The following FAM135B variants were observed in gnomAD, a reference collection of about 807,000 sequenced individuals.
FAM135B encodes protein FAM135B.
Under a neutral mutation model 127.7 loss-of-function variants are expected in FAM135B, and 43 were observed. The observed-to-expected ratio is 0.34, with a 90% CI of 0.26 to 0.43. FAM135B has a LOEUF of 0.43. FAM135B is among the 20% of genes least tolerant of loss of function. The pLI, the probability that FAM135B is intolerant of heterozygous loss-of-function variation, is 1.00. For missense variants in FAM135B, 1,558 were observed against 1,725.6 expected (o/e 0.90, Z 1.72); for synonymous variants, 670 against 665.1 (o/e 1.01, Z -0.11).
chr8:138,167,503 C>A (rs1264660895), intron 12 of FAM135B, among the ~76,000 whole-genome samples: 2 of 152,128 alleles, frequency 1.3e-5, no homozygotes, highest in Non-Finnish European at 2.9e-5. Flanking sequence ...GCCTTTGGCC[C>A]AATGCCTTTA....
chr8:138,244,163 T>C (rs1000744420), intron 6 of FAM135B, among the ~76,000 whole-genome samples: 2 of 152,168 alleles, frequency 1.3e-5, no homozygotes, highest in Non-Finnish European at 2.9e-5. Flanking sequence ...GGTTAGGTGC[T>C]ACGATGATAA....
At chr8:138,426,014 C>T (rs7832930) in intron 1 of FAM135B, among the ~76,000 whole-genome samples, 688 of 54,638 alleles carry the variant, frequency 0.013, 21 homozygotes, top group East Asian at 0.024. Flanking sequence ...TATATATATA[C>T]ACACACATAC....
chr8:138,206,993 C>T (rs1176856916), intron 7 of FAM135B, among the ~76,000 whole-genome samples: 2 of 152,174 alleles, frequency 1.3e-5, no homozygotes, highest in Non-Finnish European at 2.9e-5. Context: ...ATGCATGGCT[C>T]CAGCATCAAA....
At chr8:138,178,817 AGT>A in intron 9 of FAM135B, 127 bp from the exon 10 acceptor site, 1 of 708,938 alleles carries the variant, frequency 1.4e-6, no homozygotes. Context: ...GTACATCTGT[AGT>A]ATTATATATT....
chr8:138,348,861 G>T (rs918941926), intron 2 of FAM135B, among the ~76,000 whole-genome samples: 2 of 152,180 alleles, frequency 1.3e-5, no homozygotes. Context: ...GGCATAATTG[G>T]CCAGGCTTAG....
At chr8:138,166,314 G>C (rs1332542467) in intron 12 of FAM135B, among the ~76,000 whole-genome samples, 1 of 152,166 alleles carries the variant, frequency 6.6e-6, no homozygotes, top group Non-Finnish European at 1.5e-5. Context: ...GACAAGAAAC[G>C]AGCCTTGACC....
At position 138,135,590 on chromosome 8, in the gene FAM135B, G is replaced by T. The variant is rs181663164; in HGVS notation, c.4015+1557C>A. 1.3e-3 allele frequency among the ~76,000 whole-genome samples: 192 copies of T among 152,246 alleles called. 1 individual carries two copies. The highest frequency in any genetic ancestry group is 4.4e-3 in the African/African-American group (182 of 41,556). On this transcript the variant is annotated intron_variant, in intron 19 of 19. Transcript: ENST00000395297. Reference sequence around the variant, plus strand: ...TACTCTAACAGTACACGTGTTGCTGGTATCAATATTTTAGAAGGGAATTTG... The same window carrying T: ...TACTCTAACAGTACACGTGTTGCTGTTATCAATATTTTAGAAGGGAATTTG...
In FAM135B at chr8:138,250,808, C is replaced by G. The variant is rs766633724; in HGVS notation, c.542+33G>C. 5 of 1,608,698 alleles carry G rather than the reference C, an allele frequency of 3.1e-6. No homozygotes were observed. In the South Asian group the frequency reaches 5.5e-5, roughly 18 times the overall value. ...ACCACACCTGCAATGGAAGGTGGCT[C>G]CCACATATCAGGGCTGCCTCTGAAC... On this transcript the variant is annotated intron_variant, in intron 6 of 19. Transcript: ENST00000395297.
intron 12 of FAM135B, among the ~76,000 whole-genome samples, chr8:138,158,565 A>T (rs1344614556): frequency 6.6e-6 from 1 of 152,244 alleles, no homozygotes; most frequent in African/African-American, 2.4e-5. Context: ...TAAGATCAAG[A>T]ATCTACAAAG....
intron 1 of FAM135B, among the ~76,000 whole-genome samples, chr8:138,487,695 G>A (rs984170311): frequency 4.6e-5 from 7 of 152,146 alleles, no homozygotes; most frequent in Non-Finnish European, 1.0e-4. Context: ...TTCAACTGAA[G>A]TTTAAAACAC....
chr8:138,162,285 G>A (rs55661960), intron 12 of FAM135B, among the ~76,000 whole-genome samples: 20,693 of 152,182 alleles, frequency 0.14, 1,586 homozygotes, highest in Middle Eastern at 0.22. Flanking sequence ...TGCCAGGCAC[G>A]GGGGAGAAGG....
intron 1 of FAM135B, among the ~76,000 whole-genome samples, chr8:138,371,756 G>A (rs745956979): frequency 4.6e-5 from 7 of 152,002 alleles, no homozygotes; most frequent in South Asian, 2.1e-4. Context: ...GAAATACACC[G>A]GCACCATGTG....
At chr8:138,369,517 A>C (rs1830981826) in intron 1 of FAM135B, among the ~76,000 whole-genome samples, 1 of 152,198 alleles carries the variant, frequency 6.6e-6, no homozygotes, top group African/African-American at 2.4e-5. Flanking sequence ...GCTGCATACC[A>C]AATTAAAATC....
In FAM135B at chr8:138,266,580, T is replaced by C. The variant is rs73716702; in HGVS notation, c.158-738A>G. 7.3e-3 allele frequency among the ~76,000 whole-genome samples: 1,076 copies of C among 147,998 alleles called. 24 individuals carry two copies. The highest frequency in any genetic ancestry group is 0.025 in the African/African-American group (1,020 of 40,660). ...TACAGTTGGAGATACGTGTAAAAAA[T>C]ATATGTGTGTGTATATATATGTATA... On this transcript the variant is annotated intron_variant, in intron 3 of 19. Coordinates refer to ENST00000395297, the MANE Select transcript of FAM135B (RefSeq NM_015912.4).
At position 138,207,804 on chromosome 8, in the gene FAM135B, C is replaced by T. The variant is rs1429236460; in HGVS notation, c.670-10135G>A. Among the ~76,000 whole-genome samples, 3 of 152,330 alleles carry T rather than the reference C, an allele frequency of 2.0e-5. No homozygotes were observed. The East Asian group carries it at 5.8e-4, about 29-fold the overall frequency. On this transcript the variant is annotated intron_variant, in intron 7 of 19. Coordinates refer to ENST00000395297, the MANE Select transcript of FAM135B (RefSeq NM_015912.4). ...GAAACAGGTCTGCCTTGTTCTCCCTCAAAGGCGTCAATCTCCATCACTCTC... is the reference window on the plus strand; with the variant it reads ...GAAACAGGTCTGCCTTGTTCTCCCTTAAAGGCGTCAATCTCCATCACTCTC...
At chr8:138,441,447 G>C (rs1226792899) in intron 1 of FAM135B, 3 of 152,184 alleles carry the variant, frequency 2.0e-5, no homozygotes, top group African/African-American at 7.2e-5. Flanking sequence ...ACTTTGAATG[G>C]GGGTGTTTTA....
chr8:138,433,584 G>A (rs1419478428), intron 1 of FAM135B, among the ~76,000 whole-genome samples: 1 of 151,108 alleles, frequency 6.6e-6, no homozygotes, highest in South Asian at 2.1e-4. Flanking sequence ...TTTTAAAAGA[G>A]TATTAAATAA....
At chr8:138,339,973 C>T (rs1322329126) in intron 2 of FAM135B, among the ~76,000 whole-genome samples, 2 of 152,170 alleles carry the variant, frequency 1.3e-5, no homozygotes, top group Non-Finnish European at 2.9e-5. Context: ...CATCTGAATT[C>T]CTCATATCTA....
chr8:138,379,473 G>A (rs1258605464), intron 1 of FAM135B, among the ~76,000 whole-genome samples: 2 of 152,046 alleles, frequency 1.3e-5, no homozygotes, highest in African/African-American at 2.4e-5. Flanking sequence ...TGTATGTTGT[G>A]CAATAAAAAT....
Sources: allele counts gnomAD v4.1 joint callset (sites outside exome capture counted in the v4.1 genomes callset), GRCh38; gene constraint gnomAD v4.1.1; transcripts MANE v1.5; gene names NCBI Gene and HGNC (gene_info 2026-07-23, HGNC 2026-07-21).